Variants in AVEN observed in about 807,000 individuals in gnomAD.
AVEN encodes the protein cell death regulator Aven.
In AVEN, 41 loss-of-function variants were observed where a neutral mutation model predicts 38.1. The ratio of observed to expected loss-of-function variants is 1.08; its 90% confidence interval spans 0.84 to 1.40. The LOEUF is 1.40. Among genes scored for constraint, AVEN ranks in the 40% most tolerant of loss-of-function variants. The pLI, the probability that AVEN is intolerant of heterozygous loss-of-function variation, is 0.00. For missense variants in AVEN, 605 were observed against 438.8 expected (o/e 1.38, Z -3.38); for synonymous variants, 206 against 171.8 (o/e 1.20, Z -1.56).
Position 33,997,800 on chromosome 15 carries a change from G to A in AVEN, c.445+5232C>T, listed in dbSNP as rs552927154. ...ATTTGCTCTGCTAAACTGTAATCAT[G>A]ATTAAGTCCTACCCTTCCGTCCGGT... On this transcript the variant is annotated intron_variant, in intron 2 of 5. Transcript: ENST00000306730. 6.6e-4 allele frequency among the ~76,000 whole-genome samples: 100 copies of A among 152,064 alleles called. 1 individual carries two copies. The highest frequency in any genetic ancestry group is 1.3e-4 in the Non-Finnish European group (9 of 67,994).
At chr15:33,853,653 C>T in the AVEN span, 1 of 1,613,774 alleles carries the variant, frequency 6.2e-7, no homozygotes, top group Non-Finnish European at 8.5e-7. Flanking sequence ...TAGAAGAGAC[C>T]AAAGCAGAAG....
intron 2 of AVEN, among the ~76,000 whole-genome samples, chr15:33,897,584 T>G (rs1892288036): frequency 6.6e-6 from 1 of 152,092 alleles, no homozygotes; most frequent in Non-Finnish European, 1.5e-5. Context: ...ATTTATTTTT[T>G]TAAACAACAG....
intron 4 of AVEN, 75 bp downstream of exon 4, chr15:33,870,860 G>A: frequency 9.7e-7 from 1 of 1,033,432 alleles, no homozygotes; most frequent in Admixed American, 2.1e-5. Context: ...GAGACATCCT[G>A]CTGAGGGAAG....
intron 2 of AVEN, among the ~76,000 whole-genome samples, chr15:33,959,568 C>T (rs1044641243): frequency 6.6e-6 from 1 of 152,126 alleles, no homozygotes; most frequent in African/African-American, 2.4e-5. Context: ...GCCCCCTCCT[C>T]TCTCCACACC....
At chr15:34,044,040 A>G (rs1331480816), upstream of AVEN, among the ~76,000 whole-genome samples, 1 of 151,874 alleles carries the variant, frequency 6.6e-6, no homozygotes, top group Non-Finnish European at 1.5e-5. Flanking sequence ...GTACCTTCTA[A>G]TGAATCATTC....
chr15:33,861,250 G>C (rs1157640112), downstream of AVEN: 7 of 1,119,278 alleles, frequency 6.3e-6, no homozygotes, highest in East Asian at 1.3e-4. Context: ...ATATAGTTCA[G>C]TCTCTGCTGG....
At chr15:33,958,014 C>T (rs944840936) in intron 2 of AVEN, among the ~76,000 whole-genome samples, 2 of 152,124 alleles carry the variant, frequency 1.3e-5, no homozygotes, top group South Asian at 2.1e-4. Context: ...ACTTACGGTC[C>T]GTCAAGCCAT....
downstream of AVEN, chr15:33,858,200 T>G (rs946728088): frequency 3.5e-5 from 12 of 342,172 alleles, no homozygotes; most frequent in African/African-American, 2.0e-4. Flanking sequence ...GGGGTAAAGA[T>G]GAGACATTAT....
chr15:34,070,439 T>G (rs976909932), intron 2 of AVEN, among the ~76,000 whole-genome samples: 1 of 152,056 alleles, frequency 6.6e-6, no homozygotes, highest in African/African-American at 2.4e-5. Context: ...AATATCCATA[T>G]AGTTTTATTT....
intron 3 of AVEN, among the ~76,000 whole-genome samples, chr15:33,871,774 C>CAAAAAAAAAAAAAAAAAAAAAAAAAA (rs55793582): frequency 1.1e-5 from 1 of 91,586 alleles, no homozygotes; most frequent in Non-Finnish European, 2.3e-5. Flanking sequence ...CTAGTCTCCT[C>CAAAAAAAAAAAAAAAAAAAAAAAAAA]AAAAAAAAAA....
chr15:33,956,200 A>C (rs1894946544), intron 2 of AVEN, among the ~76,000 whole-genome samples: 1 of 152,124 alleles, frequency 6.6e-6, no homozygotes, highest in Non-Finnish European at 1.5e-5. Flanking sequence ...TCCTTGCTAA[A>C]GTCAACACGC....
rs574601705 is a variant in AVEN at position 33,860,978 on chromosome 15, G to C, written n.2730-1884C>G. The C allele has an allele frequency of 6.0e-4, 585 of 976,364 alleles. 3 individuals carry two copies. The highest frequency in any genetic ancestry group is 5.0e-3 in the Middle Eastern group (24 of 4,790). 60.5% of individuals were successfully genotyped at this position (976,364 alleles called of 1,614,324 possible). A position where few individuals can be genotyped will look rare whatever the true frequency, so the allele number is the denominator to read the frequency against. On this transcript the variant is annotated intron_variant and non_coding_transcript_variant, in intron 11 of 11. Transcript: ENST00000675287. ...GACTAATAGCCAAAAGCATTAGAAAGAAAGTTTTCATTATCCTTCAATTCG... is the reference window on the plus strand; with the variant it reads ...GACTAATAGCCAAAAGCATTAGAAACAAAGTTTTCATTATCCTTCAATTCG...
intron 1 of AVEN, among the ~76,000 whole-genome samples, chr15:34,030,464 G>A (rs958217068): frequency 6.6e-6 from 1 of 152,016 alleles, no homozygotes; most frequent in African/African-American, 2.4e-5. Flanking sequence ...TCCTGCCTCA[G>A]CCTCTCAAGT....
At chr15:33,935,374 T>C (rs1168217693) in intron 2 of AVEN, among the ~76,000 whole-genome samples, 1 of 152,192 alleles carries the variant, frequency 6.6e-6, no homozygotes, top group Non-Finnish European at 1.5e-5. Context: ...AGAATGTTTG[T>C]AATGTGGTTT....
chr15:34,025,768 GTGTT>G (rs1898436261), intron 1 of AVEN, among the ~76,000 whole-genome samples: 1 of 152,074 alleles, frequency 6.6e-6, no homozygotes. Context: ...GTGTGTGTGT[GTGTT>G]TGTGTGTGTG....
At chr15:34,021,695 A>C (rs1898206765) in intron 1 of AVEN, among the ~76,000 whole-genome samples, 1 of 152,024 alleles carries the variant, frequency 6.6e-6, no homozygotes, top group South Asian at 2.1e-4. Flanking sequence ...TCTCTACTAA[A>C]AATACAAAAA....
intron 2 of AVEN, among the ~76,000 whole-genome samples, chr15:33,933,524 C>CAGAGAGAG (rs3086294): frequency 1.3e-4 from 6 of 46,576 alleles, no homozygotes; most frequent in South Asian, 1.1e-3. Context: ...CACACACACA[C>CAGAGAGAG]AGAGAGAGAG....
the AVEN span, chr15:33,852,043 C>G: frequency 1.3e-5 from 2 of 151,958 alleles, no homozygotes; most frequent in African/African-American, 2.4e-5. Context: ...ATACTGCCAC[C>G]CTGTTGGGGG....
intron 2 of AVEN, among the ~76,000 whole-genome samples, chr15:33,953,341 T>A (rs1267651393): frequency 6.6e-6 from 1 of 151,892 alleles, no homozygotes; most frequent in Non-Finnish European, 1.5e-5. Context: ...GACAATTCTA[T>A]GCAAAAAGAA....
Sources: allele counts gnomAD v4.1 joint callset (sites outside exome capture counted in the v4.1 genomes callset), GRCh38; gene constraint gnomAD v4.1.1; transcripts MANE v1.5; gene names NCBI Gene and HGNC (gene_info 2026-07-23, HGNC 2026-07-21).